Variants in RANBP17 observed in about 807,000 individuals in gnomAD.
RANBP17 encodes RAN binding protein 17, also known as ran-binding protein 17.
In RANBP17, 158 loss-of-function variants were observed where a neutral mutation model predicts 141.2. That is an observed-to-expected ratio of 1.12 (90% CI 0.98 to 1.28). The LOEUF is 1.28. Ranked by LOEUF, RANBP17 falls within the 50% of genes most tolerant of loss-of-function variation. The pLI is 0.00. For synonymous variants in RANBP17, 430 were observed against 450.0 expected (o/e 0.96, Z 0.56); for missense variants, 1,438 against 1,290.7 (o/e 1.11, Z -1.75).
At chr5:171,284,481 C>CA (rs1408929435) in intron 25 of RANBP17, 2 of 151,986 alleles carry the variant, frequency 1.3e-5, no homozygotes, top group Non-Finnish European at 2.9e-5. Context: ...CACACCACCA[C>CA]ACCTGGCTAA....
chr5:171,040,160 C>T (rs1279648944), intron 14 of RANBP17, among the ~76,000 whole-genome samples: 2 of 152,088 alleles, frequency 1.3e-5, no homozygotes, highest in Admixed American at 6.6e-5. Context: ...CATATCAAAA[C>T]GTTAGTTCAC....
Position 171,199,633 on chromosome 5 carries a change from A to AT in RANBP17, c.2039-33dup, listed in dbSNP as rs772429459. The AT allele has an allele frequency of 4.6e-6, 6 of 1,310,426 alleles. No homozygotes were observed. In the African/African-American group the frequency reaches 7.3e-5, roughly 16 times the overall value. 81.2% of individuals were successfully genotyped at this position (1,310,426 alleles called of 1,614,324 possible). A position where few individuals can be genotyped will look rare whatever the true frequency, so the allele number is the denominator to read the frequency against. On this transcript the variant is annotated intron_variant, in intron 18 of 27. Coordinates refer to ENST00000523189, the MANE Select transcript of RANBP17 (RefSeq NM_022897.5). ...CTGAGGACAATGTACAATTCTATGC[A>AT]TTTTAAACCGTAGTGACCCTTTTGT... is the stretch of plus-strand genomic sequence containing the variant.
chr5:171,259,376 C>G (rs964136083), intron 24 of RANBP17, among the ~76,000 whole-genome samples: 3 of 152,010 alleles, frequency 2.0e-5, no homozygotes, highest in African/African-American at 7.2e-5. Flanking sequence ...GGAGTATATC[C>G]AAAAGAAAAT....
At chr5:171,097,017 T>A (rs1385314096) in intron 14 of RANBP17, among the ~76,000 whole-genome samples, 5 of 152,192 alleles carry the variant, frequency 3.3e-5, no homozygotes, top group South Asian at 2.1e-4. Flanking sequence ...CTTGAATTTG[T>A]GTTTTTTATA....
intron 14 of RANBP17, among the ~76,000 whole-genome samples, chr5:171,051,149 T>C (rs1782925915): frequency 6.6e-6 from 1 of 152,130 alleles, no homozygotes; most frequent in Admixed American, 6.5e-5. Flanking sequence ...GTCAAAATTG[T>C]CTGGGTTTGG....
chr5:171,098,892 GT>G (rs1260601597), intron 14 of RANBP17, among the ~76,000 whole-genome samples: 1 of 152,126 alleles, frequency 6.6e-6, no homozygotes, highest in African/African-American at 2.4e-5. Context: ...CCCATTGCTT[GT>G]TTTTGGCAGG....
intron 4 of RANBP17, among the ~76,000 whole-genome samples, chr5:170,894,486 T>TATATATATATATGTA: frequency 7.5e-6 from 1 of 133,310 alleles, no homozygotes; most frequent in East Asian, 2.3e-4. Flanking sequence ...TACGTGTTTT[T>TATATATATATATGTA]TATATATATA....
At chr5:170,885,450 T>G (rs1229524690) in intron 3 of RANBP17, among the ~76,000 whole-genome samples, 1 of 152,162 alleles carries the variant, frequency 6.6e-6, no homozygotes, top group Non-Finnish European at 1.5e-5. Context: ...GAGCTGTTGG[T>G]GAGAGCAGGC....
chr5:171,128,152 C>T (rs1004118073), intron 14 of RANBP17, among the ~76,000 whole-genome samples: 8 of 151,528 alleles, frequency 5.3e-5, no homozygotes, highest in African/African-American at 1.5e-4. Context: ...AGTGAGACTC[C>T]GTCTCAAAAA....
intron 14 of RANBP17, among the ~76,000 whole-genome samples, chr5:171,116,091 T>C (rs908677300): frequency 1.3e-5 from 2 of 152,210 alleles, no homozygotes; most frequent in African/African-American, 4.8e-5. Flanking sequence ...TAGAGAGAAT[T>C]AAAGACAGGT....
At chr5:171,277,139 CAT>C (rs760086940) in intron 25 of RANBP17, among the ~76,000 whole-genome samples, 3 of 150,348 alleles carry the variant, frequency 2.0e-5, no homozygotes, top group African/African-American at 7.3e-5. Flanking sequence ...TTTATGCTAA[CAT>C]AACACAGATA....
intron 14 of RANBP17, among the ~76,000 whole-genome samples, chr5:171,081,377 T>A (rs2127709915): frequency 6.6e-6 from 1 of 152,276 alleles, no homozygotes; most frequent in South Asian, 2.1e-4. Context: ...CAGATTTGAT[T>A]TATTATGAAT....
At chr5:171,133,249 A>C (rs1201160077) in intron 14 of RANBP17, among the ~76,000 whole-genome samples, 1 of 152,140 alleles carries the variant, frequency 6.6e-6, no homozygotes, top group African/African-American at 2.4e-5. Context: ...TTTTTTGAAA[A>C]ATAATACATT....
chr5:171,259,706 C>T (rs1251578467), intron 24 of RANBP17, among the ~76,000 whole-genome samples: 2 of 152,180 alleles, frequency 1.3e-5, no homozygotes, highest in Admixed American at 1.3e-4. Flanking sequence ...AAGGGTCAGA[C>T]ATGGTGGCTC....
chr5:170,895,936 A>G (rs907290746), intron 4 of RANBP17, 114 bp from the exon 5 acceptor site: 6 of 488,660 alleles, frequency 1.2e-5, no homozygotes, highest in African/African-American at 1.2e-4. Flanking sequence ...CCATTTTATT[A>G]TTGAGTAAAT....
chr5:171,291,061 T>C (rs1768464891), intron 25 of RANBP17, among the ~76,000 whole-genome samples: 1 of 152,230 alleles, frequency 6.6e-6, no homozygotes, highest in Non-Finnish European at 1.5e-5. Context: ...TCCATTCTGA[T>C]TGGCTCCAAA....
At chr5:171,204,183 C>CA (rs1374963625) in intron 19 of RANBP17, among the ~76,000 whole-genome samples, 2 of 152,080 alleles carry the variant, frequency 1.3e-5, no homozygotes, top group African/African-American at 2.4e-5. Flanking sequence ...AACAAAAATT[C>CA]AGAGTTTTCA....
At chr5:171,026,378 TG>T (rs1781236166) in intron 14 of RANBP17, among the ~76,000 whole-genome samples, 1 of 152,208 alleles carries the variant, frequency 6.6e-6, no homozygotes, top group South Asian at 2.1e-4. Context: ...CAAACCTAAT[TG>T]ATCTTTCTCT....
At chr5:171,137,355 G>A (rs1757354416) in intron 14 of RANBP17, among the ~76,000 whole-genome samples, 1 of 152,144 alleles carries the variant, frequency 6.6e-6, no homozygotes, top group African/African-American at 2.4e-5. Flanking sequence ...AATTGCTGTA[G>A]TATAGACTGC....
Sources: gnomAD v4.1 joint callset for allele counts (sites outside exome capture counted in the v4.1 genomes callset) on GRCh38, gnomAD v4.1.1 for gene constraint, MANE v1.5 for transcripts, NCBI Gene and HGNC (gene_info 2026-07-23, HGNC 2026-07-21) for gene names.